Variants in PRADC1 observed in about 807,000 individuals in gnomAD.
PRADC1 encodes the protein protease-associated domain-containing protein 1.
Under a neutral mutation model 22.9 loss-of-function variants are expected in PRADC1, and 23 were observed. The observed-to-expected ratio is 1.00, with a 90% confidence interval of 0.72 to 1.42. The LOEUF is 1.42. Among genes scored for constraint, PRADC1 ranks in the 40% most tolerant of loss-of-function variants. The pLI is 0.00. For synonymous variants in PRADC1, 71 were observed against 100.3 expected (o/e 0.71, Z 1.75); for missense variants, 207 against 258.3 (o/e 0.80, Z 1.36).
rs1344884046 is a variant in PRADC1 at position 73,230,155 on chromosome 2, G to A, written c.126C>T (p.Tyr42=). ...CCTTGGCAGGTGTGGCTGTGAAGAT[G>A]TATCGAATGTCCCCAGGACTCAGCA... The part of the protein sequence containing the change: ...FQVLSPGDIR[Y]IFTATPAKDF... The change falls in exon 2 of 5, where the codon TAC becomes TAT. Residue 42 remains tyrosine (Y), a synonymous_variant. Transcript: ENST00000258083. 3 of 1,614,066 alleles carry A rather than the reference G, an allele frequency of 1.9e-6. No individual in the cohort carries two copies. The highest frequency in any genetic ancestry group is 2.5e-6 in the Non-Finnish European group (3 of 1,179,898).
upstream of PRADC1, chr2:73,233,240 A>G (rs981146839): frequency 1.0e-5 from 10 of 990,280 alleles, no homozygotes; most frequent in African/African-American, 3.4e-5. Flanking sequence ...TCAGCCTGAC[A>G]GCTGCTCCGG....
chr2:73,228,036 A>G lies in PRADC1; in HGVS notation c.*418T>C, dbSNP rs1686549251. On this transcript the variant is annotated 3_prime_UTR_variant, in exon 5 of 5. Coordinates refer to ENST00000258083, the MANE Select transcript of PRADC1 (RefSeq NM_032319.3). The surrounding 1 kb of genome is among the most constrained non-coding windows in gnomAD (Gnocchi z 4.0). ...ACCCTGATGAGAAGCTTTATTGCTA[A>G]AAAGTCAGTGAGGGTTTATTGAGTC... 2 of 201,166 alleles carry G rather than the reference A, an allele frequency of 9.9e-6. No individual in the cohort carries two copies. Among genetic ancestry groups the G allele is most frequent in the Non-Finnish European group, 2.1e-5 (2 of 96,522 alleles). The allele number at this position is 201,166 out of a possible 1,614,324, so 12.5% of individuals were successfully genotyped here.
At position 73,228,840 on chromosome 2, in the gene PRADC1, T is replaced by G; in HGVS notation, c.401A>C (p.Gln134Pro). 6.2e-7 allele frequency: 1 copy of G among 1,613,272 alleles called. No individual in the cohort carries two copies. The highest frequency in any genetic ancestry group is 8.5e-7 in the Non-Finnish European group (1 of 1,179,968). The change falls in exon 4 of 5, where the codon CAG becomes CCG. Residue 134 changes from glutamine to proline, a missense_variant. Coordinates refer to ENST00000258083, the MANE Select transcript of PRADC1 (RefSeq NM_032319.3). The surrounding 1 kb of genome is among the most constrained non-coding windows in gnomAD (Gnocchi z 4.0). ...FYVEMIQDSTQRTADIPALFL... is the reference protein window; with the variant it reads ...FYVEMIQDSTPRTADIPALFL... ...GAGGGCGGGGATGTCAGCTGTGCGC[T>G]GGGTACTGTCCTGGATCATCTCCAC...
intron 2 of PRADC1, 123 bp from the exon 3 acceptor site, chr2:73,229,693 T>C: frequency 1.3e-6 from 1 of 747,002 alleles, no homozygotes; most frequent in Non-Finnish European, 2.3e-6. Flanking sequence ...GAGTGGTTTC[T>C]GTATCGCCAG....
At chr2:73,229,698 C>T (rs1181527215) in intron 2 of PRADC1, 128 bp from the exon 3 acceptor site, 10 of 713,206 alleles carry the variant, frequency 1.4e-5, no homozygotes, top group East Asian at 5.4e-5. Flanking sequence ...GTTTCTGTAT[C>T]GCCAGACACT....
chr2:73,232,298 C>G (rs1052269624), intron 1 of PRADC1, among the ~76,000 whole-genome samples: 28 of 150,322 alleles, frequency 1.9e-4, no homozygotes, highest in African/African-American at 6.9e-4. Context: ...GATCGGGCCA[C>G]TGCACTGCAA....
At position 73,228,671 on chromosome 2, in the gene PRADC1, CT is replaced by C. The variant is rs959630959; in HGVS notation, c.447-98del. On this transcript the variant is annotated intron_variant, in intron 4 of 4. Transcript: ENST00000258083. The surrounding 1 kb of genome is among the most constrained non-coding windows in gnomAD (Gnocchi z 4.0). ...ATCTGGGAGTTCCAAAGCCCGAGATCTTTTTTTGCCCTCTAACTGAAGCACC... is the reference window on the plus strand; with the variant it reads ...ATCTGGGAGTTCCAAAGCCCGAGATCTTTTTTGCCCTCTAACTGAAGCACC... 4 of 1,596,464 alleles carry C rather than the reference CT, an allele frequency of 2.5e-6. No individual in the cohort carries two copies. Among genetic ancestry groups the C allele is most frequent in the South Asian group, 2.2e-5 (2 of 89,306 alleles).
chr2:73,231,413 C>G (rs2103734688), intron 1 of PRADC1, among the ~76,000 whole-genome samples: 1 of 151,602 alleles, frequency 6.6e-6, no homozygotes, highest in Non-Finnish European at 1.5e-5. Context: ...GCCACCGCGC[C>G]CGGCCTCTTT....
intron 1 of PRADC1, among the ~76,000 whole-genome samples, chr2:73,231,024 T>G (rs919294521): frequency 1.3e-5 from 2 of 152,264 alleles, no homozygotes; most frequent in Non-Finnish European, 2.9e-5. Context: ...AGAGAAAGCT[T>G]CTGCCTCATG....
rs1312147145 is a variant in PRADC1, at chr2:73,228,430, G to C, written c.*24C>G. 6.2e-7 allele frequency: 1 copy of C among 1,613,148 alleles called. No homozygotes were observed. The highest frequency in any genetic ancestry group is 1.1e-5 in the South Asian group (1 of 90,964). ...CCCTTCCCAGCTCAGAGTCACTTATGGCTGGAATGTGGGACAAACTCTTCT... is the reference window on the plus strand; with the variant it reads ...CCCTTCCCAGCTCAGAGTCACTTATCGCTGGAATGTGGGACAAACTCTTCT... On this transcript the variant is annotated 3_prime_UTR_variant, in exon 5 of 5. Transcript: ENST00000258083. The surrounding 1 kb of genome is among the most constrained non-coding windows in gnomAD (Gnocchi z 4.0).
intron 1 of PRADC1, 39 bp downstream of exon 1, chr2:73,233,055 G>GC: frequency 1.3e-6 from 2 of 1,523,756 alleles, no homozygotes; most frequent in Non-Finnish European, 1.8e-6. Flanking sequence ...TGGACGGCCA[G>GC]CCCCGCCCTG....
intron 1 of PRADC1, 33 bp downstream of exon 1, chr2:73,233,061 C>T (rs1438482472): frequency 6.5e-7 from 1 of 1,526,736 alleles, no homozygotes; most frequent in Admixed American, 2.0e-5. Context: ...GCCAGCCCCG[C>T]CCTGCAACGC....
chr2:73,230,695 A>G (rs1265960160), intron 1 of PRADC1, among the ~76,000 whole-genome samples: 1 of 152,230 alleles, frequency 6.6e-6, no homozygotes, highest in African/African-American at 2.4e-5. Context: ...CCAGAAATCG[A>G]AAACATCTTA....
At position 73,232,131 on chromosome 2, in the gene PRADC1, C is replaced by T. The variant is rs1030372781; in HGVS notation, c.67+963G>A. On this transcript the variant is annotated intron_variant, in intron 1 of 4. Coordinates refer to ENST00000258083, the MANE Select transcript of PRADC1 (RefSeq NM_032319.3). ...CGGGCAGATCACGAGGTCAGGAGATCGAGACCATCCTGGCTAACACGGTGA... is the reference window on the plus strand; with the variant it reads ...CGGGCAGATCACGAGGTCAGGAGATTGAGACCATCCTGGCTAACACGGTGA... 1.8e-3 allele frequency among the ~76,000 whole-genome samples: 272 copies of T among 152,088 alleles called. 3 individuals carry two copies. The highest frequency in any genetic ancestry group is 4.1e-4 in the Non-Finnish European group (28 of 67,972).
intron 2 of PRADC1, 186 bp downstream of exon 2, chr2:73,229,919 TGGTGCCTA>T: frequency 1.7e-6 from 1 of 594,638 alleles, no homozygotes; most frequent in Non-Finnish European, 3.0e-6. Flanking sequence ...TGTCCCTCCA[TGGTGCCTA>T]GGTTTATATT....
intron 2 of PRADC1, chr2:73,229,803 CAG>C: frequency 3.4e-6 from 2 of 587,780 alleles, no homozygotes; most frequent in Non-Finnish European, 3.0e-6. Flanking sequence ...GTTGTAGATC[CAG>C]AGAGAGGAAG....
At chr2:73,230,302 G>C in intron 1 of PRADC1, 89 bp from the exon 2 acceptor site, 1 of 965,034 alleles carries the variant, frequency 1.0e-6, no homozygotes, top group East Asian at 2.6e-5. Context: ...AGCTGGGCTG[G>C]CTATAGTCTG....
rs1413130902 is a variant in PRADC1, at chr2:73,228,543, C to A, written c.478G>T (p.Gly160Trp). 1.9e-6 allele frequency: 3 copies of A among 1,614,156 alleles called. No homozygotes were observed. In the African/African-American group the frequency reaches 4.0e-5, roughly 22 times the overall value. The change falls in exon 5 of 5, where the codon GGG becomes TGG. Residue 160 changes from glycine to tryptophan, a missense_variant. Coordinates refer to ENST00000258083, the MANE Select transcript of PRADC1 (RefSeq NM_032319.3). The surrounding 1 kb of genome is among the most constrained non-coding windows in gnomAD (Gnocchi z 4.0). ...YMIRRSLEQH[G>W]LPWAIISIPV... The stretch of plus-strand genomic sequence containing the variant: ...ATGGAAATGATGGCCCATGGCAGCC[C>A]ATGCTGTTCCAGAGAGCGGCGGATC...
chr2:73,229,453 C>CTCCTCGTGTCCTGCCTGCCCAT lies in PRADC1; in HGVS notation c.278+7_278+8insATGGGCAGGCAGGACACGAGGA, dbSNP rs749851620. The CTCCTCGTGTCCTGCCTGCCCAT allele has an allele frequency of 2.9e-5, 46 of 1,604,346 alleles. No homozygotes were observed. The African/African-American group carries it at 5.4e-4, about 19-fold the overall frequency. ...CCACTCCTCGTGTCCTGCCTGCCCA[C>CTCCTCGTGTCCTGCCTGCCCAT]TCCTTACCCCCTCTCCACCAGAGCA... is the stretch of plus-strand genomic sequence containing the variant. On this transcript the variant is annotated splice_region_variant and intron_variant, in intron 3 of 4. Transcript: ENST00000258083.
Sources: gnomAD v4.1 joint callset for allele counts (sites outside exome capture counted in the v4.1 genomes callset) on GRCh38, gnomAD v4.1.1 for gene constraint, Gnocchi (gnomAD v3.1) non-coding constraint, MANE v1.5 for transcripts, NCBI Gene and HGNC (gene_info 2026-07-23, HGNC 2026-07-21) for gene names.